PTPRD: variants seen among roughly 807,000 people sequenced by gnomAD.
PTPRD encodes receptor-type tyrosine-protein phosphatase delta.
In PTPRD, 34 loss-of-function variants were observed where a neutral mutation model predicts 214.5. The ratio of observed to expected loss-of-function variants is 0.16; its 90% CI spans 0.12 to 0.21. The LOEUF is 0.21. Among genes scored for constraint, PTPRD ranks in the 10% least tolerant of loss-of-function variants. PTPRD has a pLI of 1.00. For missense variants in PTPRD, 2,545 were observed against 2,398.7 expected (o/e 1.06, Z -1.27); for synonymous variants, 1,128 against 845.7 (o/e 1.33, Z -5.79).
intron 33 of PTPRD, among the ~76,000 whole-genome samples, chr9:8,458,159 A>G (rs80284821): frequency 0.048 from 7,323 of 152,222 alleles, 254 homozygotes; most frequent in Non-Finnish European, 0.07. Context: ...GGCCCACACT[A>G]AAATGCTACT....
chr9:8,488,093 A>G (rs1490217335), intron 27 of PTPRD, among the ~76,000 whole-genome samples: 2 of 152,172 alleles, frequency 1.3e-5, no homozygotes, highest in Non-Finnish European at 2.9e-5. Context: ...AATGGGAAAC[A>G]GGTGATAAAA....
chr9:8,861,546 G>A (rs896080920), intron 11 of PTPRD: 36 of 151,936 alleles, frequency 2.4e-4, no homozygotes, highest in African/African-American at 8.5e-4. Flanking sequence ...AGTATTATTA[G>A]CCCCATTATA....
chr9:9,173,059 T>G (rs750676521), intron 10 of PTPRD, among the ~76,000 whole-genome samples: 2 of 152,134 alleles, frequency 1.3e-5, no homozygotes, highest in Non-Finnish European at 2.9e-5. Flanking sequence ...CTCCTGACTC[T>G]CCTCAGACTT....
intron 10 of PTPRD, among the ~76,000 whole-genome samples, chr9:9,043,460 T>G (rs1050406684): frequency 6.6e-6 from 1 of 152,162 alleles, no homozygotes; most frequent in Admixed American, 6.5e-5. Context: ...ACCATAACCT[T>G]TTCTGTTTTG....
intron 11 of PTPRD, among the ~76,000 whole-genome samples, chr9:8,946,054 C>G (rs1163139535): frequency 6.6e-6 from 1 of 152,144 alleles, no homozygotes; most frequent in African/African-American, 2.4e-5. Flanking sequence ...ATTTAATTCA[C>G]TCATACAAAA....
At chr9:9,715,167 A>T (rs1392092588) in intron 7 of PTPRD, among the ~76,000 whole-genome samples, 2 of 152,196 alleles carry the variant, frequency 1.3e-5, no homozygotes, top group Admixed American at 1.3e-4. Context: ...TATGTAAAGC[A>T]AGATGTTTTG....
intron 11 of PTPRD, among the ~76,000 whole-genome samples, chr9:8,856,302 G>T (rs902961247): frequency 2.6e-5 from 4 of 152,100 alleles, no homozygotes; most frequent in Non-Finnish European, 5.9e-5. Context: ...TGTGCACTTT[G>T]AAACAGAGAA....
intron 2 of PTPRD, among the ~76,000 whole-genome samples, chr9:10,400,566 A>G (rs184549576): frequency 5.3e-4 from 81 of 151,756 alleles, no homozygotes; most frequent in African/African-American, 1.8e-3. Context: ...CAGCTTTAGA[A>G]TTTGCATCAC....
At chr9:10,285,046 T>G (rs2095298055) in intron 3 of PTPRD, among the ~76,000 whole-genome samples, 1 of 152,226 alleles carries the variant, frequency 6.6e-6, no homozygotes, top group Non-Finnish European at 1.5e-5. Flanking sequence ...GTTATGAATA[T>G]TTAATTTTAA....
intron 12 of PTPRD, among the ~76,000 whole-genome samples, chr9:8,724,633 A>G (rs542123820): frequency 4.6e-5 from 7 of 152,246 alleles, no homozygotes; most frequent in African/African-American, 1.7e-4. Flanking sequence ...TGTCTTACCC[A>G]GTCTCCACCA....
intron 10 of PTPRD, among the ~76,000 whole-genome samples, chr9:9,083,878 G>A (rs1388772300): frequency 6.6e-6 from 1 of 152,162 alleles, no homozygotes; most frequent in Non-Finnish European, 1.5e-5. Flanking sequence ...AGTTAGAATG[G>A]TGATCATTAA....
At chr9:8,964,870 G>C (rs571161514) in intron 11 of PTPRD, among the ~76,000 whole-genome samples, 25 of 151,996 alleles carry the variant, frequency 1.6e-4, no homozygotes, top group African/African-American at 6.0e-4. Context: ...AAATCTTTTT[G>C]GTATTGATTT....
intron 9 of PTPRD, among the ~76,000 whole-genome samples, chr9:9,321,245 A>G (rs1038742287): frequency 1.3e-5 from 2 of 152,172 alleles, no homozygotes; most frequent in Admixed American, 1.3e-4. Context: ...TTATCTCCAA[A>G]GCTCAGAATT....
At chr9:8,595,295 A>T (rs1036571268) in intron 14 of PTPRD, among the ~76,000 whole-genome samples, 1 of 152,076 alleles carries the variant, frequency 6.6e-6, no homozygotes. Flanking sequence ...TCTGAAAAAT[A>T]GTTTTTTAAA....
chr9:10,294,715 A>G (rs1410042560), intron 3 of PTPRD, among the ~76,000 whole-genome samples: 1 of 151,996 alleles, frequency 6.6e-6, no homozygotes. Flanking sequence ...GAGGTAAATT[A>G]TGTAGCTAGA....
chr9:9,098,972 G>A lies in PTPRD; in HGVS notation c.-142-80237C>T, dbSNP rs559852800. ...TATAGTCACATTACTGAGTATTTAG[G>A]TGACAGTGAAAAAGAAAAAATGTGG... On this transcript the variant is annotated intron_variant, in intron 10 of 45. Transcript: ENST00000381196. Among the ~76,000 whole-genome samples, 152 of 152,260 alleles carry A rather than the reference G, an allele frequency of 1.0e-3. 1 individual carries two copies. Among genetic ancestry groups the A allele is most frequent in the African/African-American group, 3.6e-3 (149 of 41,558 alleles).
chr9:8,802,833 C>T (rs1168941788), intron 11 of PTPRD, among the ~76,000 whole-genome samples: 1 of 152,124 alleles, frequency 6.6e-6, no homozygotes, highest in Non-Finnish European at 1.5e-5. Flanking sequence ...GGGAAGACAG[C>T]TTGAGCCCAG....
chr9:10,185,305 T>C (rs751190080), intron 3 of PTPRD, among the ~76,000 whole-genome samples: 1 of 152,204 alleles, frequency 6.6e-6, no homozygotes, highest in Non-Finnish European at 1.5e-5. Context: ...TAAAAGCCAC[T>C]GAGCATGTGA....
intron 11 of PTPRD, among the ~76,000 whole-genome samples, chr9:8,872,740 C>T (rs765139327): frequency 6.6e-6 from 1 of 152,178 alleles, no homozygotes; most frequent in Non-Finnish European, 1.5e-5. Flanking sequence ...TAAAAACCAT[C>T]TAGGGACAGT....
Sources: gnomAD v4.1 joint callset for allele counts (sites outside exome capture counted in the v4.1 genomes callset) on GRCh38, gnomAD v4.1.1 for gene constraint, MANE v1.5 for transcripts, NCBI Gene and HGNC (gene_info 2026-07-23, HGNC 2026-07-21) for gene names.